The following BIN2 variants were observed in gnomAD, a reference collection of about 807,000 sequenced individuals.
BIN2 encodes the protein bridging integrator 2, also known as breast cancer associated protein BRAP1.
BIN2 carries 43 observed loss-of-function variants against 67.9 expected under a neutral mutation model. The observed-to-expected ratio is 0.63, with a 90% CI of 0.50 to 0.82. The LOEUF (loss-of-function observed/expected upper bound fraction) is 0.82. Ranked by LOEUF, BIN2 falls within the 40% of genes least tolerant of loss-of-function variation. BIN2 has a pLI of 0.00. For synonymous variants in BIN2, 244 were observed against 246.8 expected, an observed-to-expected ratio of 0.99 and a Z score of 0.11; for missense variants, 581 against 671.6, an observed-to-expected ratio of 0.87 and a Z score of 1.49.
intron 5 of BIN2, among the ~76,000 whole-genome samples, chr12:51,301,382 A>G (rs1366921721): frequency 1.3e-5 from 2 of 152,188 alleles, no homozygotes; most frequent in South Asian, 2.1e-4. Context: ...TGATTGCTCC[A>G]TGTTTCCTCT....
At chr12:51,317,934 C>T (rs1331996895) in intron 1 of BIN2, among the ~76,000 whole-genome samples, 1 of 151,912 alleles carries the variant, frequency 6.6e-6, no homozygotes, top group Non-Finnish European at 1.5e-5. Context: ...CTTGCAGTGA[C>T]CCGAGATAGC....
chr12:51,296,249 C>A (rs946054513), intron 8 of BIN2, among the ~76,000 whole-genome samples: 3 of 152,242 alleles, frequency 2.0e-5, no homozygotes, highest in East Asian at 3.9e-4. Context: ...GTAATCCCAG[C>A]ACTTTGGGAG....
chr12:51,322,254 C>A (rs564377774), intron 1 of BIN2, among the ~76,000 whole-genome samples: 1 of 152,264 alleles, frequency 6.6e-6, no homozygotes, highest in South Asian at 2.1e-4. Context: ...AAGCCCAGAG[C>A]AGGACATTAT....
intron 1 of BIN2, among the ~76,000 whole-genome samples, chr12:51,314,409 C>T (rs1946072615): frequency 6.6e-6 from 1 of 151,966 alleles, no homozygotes; most frequent in African/African-American, 2.4e-5. Flanking sequence ...GCTGAAAAAA[C>T]AATCCTGTTC....
At chr12:51,299,931 C>T (rs957154570) in intron 5 of BIN2, among the ~76,000 whole-genome samples, 1 of 152,092 alleles carries the variant, frequency 6.6e-6, no homozygotes, top group African/African-American at 2.4e-5. Context: ...CTCTGCCTCC[C>T]AGATTCAAGC....
intron 1 of BIN2, among the ~76,000 whole-genome samples, chr12:51,319,907 A>G (rs1338849180): frequency 1.3e-5 from 2 of 151,984 alleles, no homozygotes; most frequent in Non-Finnish European, 1.5e-5. Flanking sequence ...TTTTGCTAAA[A>G]TTTTTTCTTA....
chr12:51,302,845 G>A (rs1312179875), intron 3 of BIN2, 65 bp from the exon 4 acceptor site: 1 of 1,402,424 alleles, frequency 7.1e-7, no homozygotes, highest in African/African-American at 1.4e-5. Flanking sequence ...AATCACATGG[G>A]TGACAAATCA....
intron 1 of BIN2, among the ~76,000 whole-genome samples, chr12:51,320,431 T>C (rs1210418004): frequency 6.6e-6 from 1 of 152,184 alleles, no homozygotes; most frequent in African/African-American, 2.4e-5. Context: ...TGAGCTGTAG[T>C]TCTCACTCCA....
intron 9 of BIN2, among the ~76,000 whole-genome samples, chr12:51,293,094 G>A (rs1945433199): frequency 6.6e-6 from 1 of 151,880 alleles, no homozygotes; most frequent in African/African-American, 2.4e-5. Flanking sequence ...ATGTTGGGTG[G>A]TTGATGAAAA....
intron 9 of BIN2, 99 bp downstream of exon 9, chr12:51,295,697 C>T (rs1230129622): frequency 1.2e-6 from 1 of 844,932 alleles, no homozygotes. Context: ...CACGCACATG[C>T]ACATAAGGGA....
chr12:51,306,683 G>A (rs1024184600), intron 2 of BIN2, among the ~76,000 whole-genome samples: 3 of 152,210 alleles, frequency 2.0e-5, no homozygotes, highest in Non-Finnish European at 4.4e-5. Context: ...AATGCAGGAA[G>A]AATTGGTAAA....
chr12:51,283,028 G>A (rs1388181062), intron 12 of BIN2, among the ~76,000 whole-genome samples: 7 of 151,546 alleles, frequency 4.6e-5, no homozygotes, highest in Non-Finnish European at 4.4e-5. Flanking sequence ...AGGCTGAGGC[G>A]GGAGGATCAT....
chr12:51,284,609 A>G (rs1231147647), intron 12 of BIN2, 107 bp downstream of exon 12: 1 of 849,746 alleles, frequency 1.2e-6, no homozygotes, highest in South Asian at 1.4e-5. Context: ...CCCTAAGGGT[A>G]TGGTTCACTG....
chr12:51,324,648 G>A (rs1173808234), upstream of BIN2: 2 of 1,024,456 alleles, frequency 2.0e-6, no homozygotes, highest in South Asian at 2.0e-5. Flanking sequence ...CACCCGAGCC[G>A]GGCTTGAAAG....
chr12:51,301,256 G>C (rs1317868452), intron 5 of BIN2, among the ~76,000 whole-genome samples: 1 of 151,958 alleles, frequency 6.6e-6, no homozygotes, highest in Non-Finnish European at 1.5e-5. Context: ...AAAAAAACTA[G>C]CTGAATGAAT....
chr12:51,314,370 G>A (rs1946072077), intron 1 of BIN2, among the ~76,000 whole-genome samples: 1 of 152,000 alleles, frequency 6.6e-6, no homozygotes, highest in African/African-American at 2.4e-5. Context: ...ACTCTTACTG[G>A]ACCAAAAGAA....
At chr12:51,314,590 G>A (rs1228993255) in intron 1 of BIN2, among the ~76,000 whole-genome samples, 2 of 151,684 alleles carry the variant, frequency 1.3e-5, no homozygotes, top group Admixed American at 6.6e-5. Context: ...ACCTTAAGTC[G>A]GGAGTTCGAG....
intron 10 of BIN2, among the ~76,000 whole-genome samples, chr12:51,289,627 A>G (rs1339142111): frequency 2.0e-5 from 3 of 152,136 alleles, no homozygotes; most frequent in African/African-American, 7.2e-5. Flanking sequence ...AAAGAAAGAA[A>G]GAAAAAAAAG....
At chr12:51,321,632 C>A (rs1946286476) in intron 1 of BIN2, among the ~76,000 whole-genome samples, 1 of 152,198 alleles carries the variant, frequency 6.6e-6, no homozygotes, top group Non-Finnish European at 1.5e-5. Context: ...CTCCCGACCT[C>A]AGGAGATCCA....
Sources: allele counts gnomAD v4.1 joint callset (sites outside exome capture counted in the v4.1 genomes callset), GRCh38; gene constraint gnomAD v4.1.1; transcripts MANE v1.5; gene names NCBI Gene and HGNC (gene_info 2026-07-23, HGNC 2026-07-21).